DIS3L2: variants seen among roughly 807,000 people sequenced by gnomAD.
DIS3L2 encodes DIS3-like exonuclease 2.
A neutral mutation model predicts 97.5 loss-of-function variants in DIS3L2; 34 were observed. That is an observed-to-expected ratio of 0.35 (90% CI 0.27 to 0.46). The LOEUF (loss-of-function observed/expected upper bound fraction) is 0.46, where lower values mean the gene tolerates loss of function less well. DIS3L2 is among the 20% of genes least tolerant of loss of function. The pLI, the probability that DIS3L2 is intolerant of heterozygous loss-of-function variation, is 1.00. For synonymous variants in DIS3L2, 435 were observed against 445.2 expected, an observed-to-expected ratio of 0.98 and a Z score of 0.29; for missense variants, 1,038 against 1,146.0, an observed-to-expected ratio of 0.91 and a Z score of 1.36.
chr2:232,220,355 TAAAC>T (rs200688375), intron 10 of DIS3L2, among the ~76,000 whole-genome samples: 44 of 151,450 alleles, frequency 2.9e-4, no homozygotes, highest in African/African-American at 3.6e-4. Context: ...AATAAATAAA[TAAAC>T]AAACAAACAC....
At chr2:231,969,377 C>T (rs925240633) in intron 1 of DIS3L2, among the ~76,000 whole-genome samples, 1 of 142,122 alleles carries the variant, frequency 7.0e-6, no homozygotes, top group Admixed American at 7.5e-5. Flanking sequence ...GTGGCGCAAT[C>T]TTGGCTCACT....
intron 14 of DIS3L2, among the ~76,000 whole-genome samples, chr2:232,315,810 C>T (rs1478949004): frequency 6.6e-6 from 1 of 152,144 alleles, no homozygotes; most frequent in Non-Finnish European, 1.5e-5. Context: ...AGGAAGTGGC[C>T]AACTTCCGCA....
At chr2:232,020,114 G>A (rs1457444941) in intron 3 of DIS3L2, among the ~76,000 whole-genome samples, 4 of 152,124 alleles carry the variant, frequency 2.6e-5, no homozygotes, top group Non-Finnish European at 5.9e-5. Context: ...TGAGCAAAGG[G>A]AGTTATATTA....
At chr2:231,967,241 C>T (rs140515800) in intron 1 of DIS3L2, among the ~76,000 whole-genome samples, 5 of 152,272 alleles carry the variant, frequency 3.3e-5, no homozygotes, top group East Asian at 1.9e-4. Context: ...TGACCCAAAC[C>T]GGATGAGGCA....
intron 1 of DIS3L2, among the ~76,000 whole-genome samples, chr2:231,991,089 T>G (rs770078676): frequency 1.3e-5 from 2 of 151,958 alleles, no homozygotes; most frequent in Non-Finnish European, 2.9e-5. Context: ...TATTTTTTTG[T>G]AGAGATGGGG....
chr2:232,020,915 T>C (rs1019770427), intron 3 of DIS3L2, among the ~76,000 whole-genome samples: 1 of 152,168 alleles, frequency 6.6e-6, no homozygotes, highest in Admixed American at 6.5e-5. Flanking sequence ...GAGGAGCGTC[T>C]GTTATTCAGG....
Position 232,337,090 on chromosome 2 carries a change from G to A in DIS3L2, c.*460G>A, listed in dbSNP as rs1695984434. 2 of 1,024,216 alleles carry A rather than the reference G, an allele frequency of 2.0e-6. No individual in the cohort carries two copies. Among genetic ancestry groups the A allele is most frequent in the Admixed American group, 5.5e-5 (1 of 18,254 alleles). The allele number at this position is 1,024,216 out of a possible 1,614,324, so 63.4% of individuals were successfully genotyped here. On this transcript the variant is annotated 3_prime_UTR_variant, in exon 21 of 21. Transcript: ENST00000325385. Reference sequence around the variant, plus strand: ...CGCTGCTGAGCCGATGTCAACACCTGGAACTTTCCTGTCAGTTCCAACACG... The same window carrying A: ...CGCTGCTGAGCCGATGTCAACACCTAGAACTTTCCTGTCAGTTCCAACACG...
At chr2:232,164,936 A>C (rs1232579978) in intron 9 of DIS3L2, among the ~76,000 whole-genome samples, 1 of 152,196 alleles carries the variant, frequency 6.6e-6, no homozygotes, top group Non-Finnish European at 1.5e-5. Flanking sequence ...CTAGGAATCT[A>C]TCTAATGATT....
chr2:232,273,568 G>C (rs1694060544), intron 13 of DIS3L2, among the ~76,000 whole-genome samples: 1 of 152,346 alleles, frequency 6.6e-6, no homozygotes, highest in African/African-American at 2.4e-5. Flanking sequence ...CCAGGGTTTA[G>C]AACAAGGTAT....
chr2:232,047,711 A>C (rs747597405), intron 5 of DIS3L2, among the ~76,000 whole-genome samples: 2 of 152,240 alleles, frequency 1.3e-5, no homozygotes, highest in African/African-American at 4.8e-5. Flanking sequence ...CCCATTAAGC[A>C]GTAGTCACTC....
At chr2:232,298,480 A>G (rs1349397246) in intron 13 of DIS3L2, among the ~76,000 whole-genome samples, 4 of 152,202 alleles carry the variant, frequency 2.6e-5, no homozygotes, top group African/African-American at 9.7e-5. Context: ...GGAAGATTCA[A>G]GTGGTGCTCT....
At chr2:232,343,661 A>T in exon 14 of DIS3L2, 1 of 1,409,154 alleles carries the variant, frequency 7.1e-7, no homozygotes, top group South Asian at 1.3e-5. Context: ...CCAGACTTCT[A>T]AAAGGTCCAG....
At chr2:232,077,495 A>G (rs1399587264) in intron 5 of DIS3L2, among the ~76,000 whole-genome samples, 3 of 152,176 alleles carry the variant, frequency 2.0e-5, no homozygotes, top group Admixed American at 6.5e-5. Context: ...TTTCTTATCA[A>G]TACTCCTCAG....
chr2:232,149,512 A>G (rs542943365), intron 8 of DIS3L2, among the ~76,000 whole-genome samples: 2,134 of 148,466 alleles, frequency 0.014, 58 homozygotes, highest in African/African-American at 0.053. Flanking sequence ...CCATGTCCCT[A>G]CAAAGGATAT....
chr2:232,076,759 G>A (rs551225486), intron 5 of DIS3L2, among the ~76,000 whole-genome samples: 22 of 151,800 alleles, frequency 1.4e-4, no homozygotes, highest in South Asian at 8.3e-4. Context: ...TTTTTCTTTC[G>A]TGGCAGTGTT....
intron 11 of DIS3L2, among the ~76,000 whole-genome samples, chr2:232,243,336 A>G (rs1693158258): frequency 6.6e-6 from 1 of 152,142 alleles, no homozygotes; most frequent in Admixed American, 6.5e-5. Flanking sequence ...GAGGTTACAA[A>G]GAGAAGCCTG....
At chr2:232,128,186 G>A (rs577168204) in intron 6 of DIS3L2, among the ~76,000 whole-genome samples, 7 of 152,124 alleles carry the variant, frequency 4.6e-5, no homozygotes, top group African/African-American at 1.7e-4. Context: ...GAACTCCTGG[G>A]TTGAAGTGAT....
At chr2:232,245,143 A>G (rs1031940402) in intron 11 of DIS3L2, among the ~76,000 whole-genome samples, 1 of 152,232 alleles carries the variant, frequency 6.6e-6, no homozygotes, top group Non-Finnish European at 1.5e-5. Context: ...CACAGTTCTA[A>G]TGATAGCCAG....
At chr2:231,969,695 A>G (rs1324379617) in intron 1 of DIS3L2, among the ~76,000 whole-genome samples, 1 of 152,100 alleles carries the variant, frequency 6.6e-6, no homozygotes, top group Non-Finnish European at 1.5e-5. Context: ...CTTCCTTTCC[A>G]GGCTTTTATT....
Sources: gnomAD v4.1 joint callset for allele counts (sites outside exome capture counted in the v4.1 genomes callset) on GRCh38, gnomAD v4.1.1 for gene constraint, MANE v1.5 for transcripts, NCBI Gene and HGNC (gene_info 2026-07-23, HGNC 2026-07-21) for gene names.